The following DNAJC6 variants were observed in gnomAD, a reference collection of about 807,000 sequenced individuals.
DNAJC6 encodes DnaJ heat shock protein family (Hsp40) member C6, also known as auxilin.
DNAJC6 carries 34 observed loss-of-function variants against 110.0 expected under a neutral mutation model. The ratio of observed to expected loss-of-function variants is 0.31; its 90% CI spans 0.24 to 0.41. The LOEUF (loss-of-function observed/expected upper bound fraction) is 0.41, where lower values mean the gene tolerates loss of function less well. Among genes scored for constraint, DNAJC6 ranks in the 10% least tolerant of loss-of-function variants. The pLI is 1.00. For synonymous variants in DNAJC6, 406 were observed against 437.2 expected (o/e 0.93, Z 0.89); for missense variants, 1,031 against 1,207.8 (o/e 0.85, Z 2.17).
chr1:65,352,530 T>A (rs1645501554), intron 1 of DNAJC6, among the ~76,000 whole-genome samples: 1 of 152,178 alleles, frequency 6.6e-6, no homozygotes, highest in Non-Finnish European at 1.5e-5. Context: ...AAAATATATT[T>A]CAGTTTTAAT....
At chr1:65,359,066 G>A (rs1207832536) in intron 1 of DNAJC6, among the ~76,000 whole-genome samples, 1 of 152,170 alleles carries the variant, frequency 6.6e-6, no homozygotes, top group Admixed American at 6.5e-5. Context: ...ATGAAAAGCA[G>A]CCACACTTTT....
intron 1 of DNAJC6, among the ~76,000 whole-genome samples, chr1:65,356,576 A>T (rs2101534541): frequency 1.5e-5 from 1 of 65,552 alleles, no homozygotes; most frequent in East Asian, 6.3e-4. Context: ...AAATAAATAA[A>T]TAAATAAATA....
At chr1:65,301,557 A>T (rs1013653263) in intron 1 of DNAJC6, among the ~76,000 whole-genome samples, 3 of 152,128 alleles carry the variant, frequency 2.0e-5, no homozygotes, top group African/African-American at 7.2e-5. Context: ...GGGTTGATTA[A>T]TTTGCTGGAG....
intron 1 of DNAJC6, among the ~76,000 whole-genome samples, chr1:65,348,082 T>A (rs1645454746): frequency 6.6e-6 from 1 of 152,198 alleles, no homozygotes; most frequent in South Asian, 2.1e-4. Context: ...GACACACCAT[T>A]TGCAGTTAGA....
chr1:65,383,421 G>A (rs1269110250), intron 5 of DNAJC6, among the ~76,000 whole-genome samples: 1 of 152,194 alleles, frequency 6.6e-6, no homozygotes, highest in Non-Finnish European at 1.5e-5. Flanking sequence ...GCCTCTCAAA[G>A]TGCTGGGATT....
At chr1:65,383,735 C>T (rs1418735643) in intron 5 of DNAJC6, among the ~76,000 whole-genome samples, 1 of 152,164 alleles carries the variant, frequency 6.6e-6, no homozygotes, top group Non-Finnish European at 1.5e-5. Context: ...TTTATTTCTA[C>T]ATTGAATGAA....
At chr1:65,343,661 G>A (rs1645409911) in intron 1 of DNAJC6, among the ~76,000 whole-genome samples, 1 of 152,070 alleles carries the variant, frequency 6.6e-6, no homozygotes, top group Non-Finnish European at 1.5e-5. Flanking sequence ...CACAAGAGTA[G>A]TGATGCCAGC....
At chr1:65,344,473 G>A (rs1164693078) in intron 1 of DNAJC6, among the ~76,000 whole-genome samples, 1 of 152,066 alleles carries the variant, frequency 6.6e-6, no homozygotes, top group Non-Finnish European at 1.5e-5. Flanking sequence ...GGCAGCTAGT[G>A]TGCCAGGGAA....
intron 1 of DNAJC6, among the ~76,000 whole-genome samples, chr1:65,357,473 A>C (rs1240933445): frequency 6.6e-6 from 1 of 152,204 alleles, no homozygotes; most frequent in Admixed American, 6.5e-5. Flanking sequence ...AGTTGGTGCC[A>C]AGTGTTGGTT....
intron 4 of DNAJC6, among the ~76,000 whole-genome samples, chr1:65,369,456 C>T (rs1012545935): frequency 6.6e-6 from 1 of 152,080 alleles, no homozygotes; most frequent in Non-Finnish European, 1.5e-5. Context: ...TTACTCCTTC[C>T]GGTTCTGTGG....
intron 2 of DNAJC6, among the ~76,000 whole-genome samples, chr1:65,365,005 T>A (rs569706002): frequency 1.1e-4 from 17 of 152,298 alleles, no homozygotes; most frequent in Non-Finnish European, 2.4e-4. Flanking sequence ...TAGAGTATAA[T>A]GGTTGCCCTC....
chr1:65,377,395 A>AT (rs1645776882), intron 4 of DNAJC6, among the ~76,000 whole-genome samples: 1 of 152,174 alleles, frequency 6.6e-6, no homozygotes, highest in African/African-American at 2.4e-5. Flanking sequence ...TCAATGGGGA[A>AT]TATATATGTG....
chr1:65,284,031 T>C (rs1653934281), intron 1 of DNAJC6, among the ~76,000 whole-genome samples: 1 of 152,154 alleles, frequency 6.6e-6, no homozygotes, highest in African/African-American at 2.4e-5. Context: ...CTCCCCAGCC[T>C]GGGTCCCGGG....
intron 1 of DNAJC6, among the ~76,000 whole-genome samples, chr1:65,275,858 T>C (rs1259697876): frequency 6.6e-6 from 1 of 151,964 alleles, no homozygotes; most frequent in Non-Finnish European, 1.5e-5. Context: ...AATTTCTTAA[T>C]TTTGTTTTGT....
chr1:65,355,000 G>A (rs921622128), intron 1 of DNAJC6, among the ~76,000 whole-genome samples: 7 of 152,090 alleles, frequency 4.6e-5, no homozygotes, highest in Non-Finnish European at 1.0e-4. Context: ...ATTCTGGTTG[G>A]GCGTAGTGGC....
intron 1 of DNAJC6, among the ~76,000 whole-genome samples, chr1:65,310,872 A>G (rs928964100): frequency 5.9e-5 from 9 of 152,194 alleles, no homozygotes; most frequent in African/African-American, 1.9e-4. Flanking sequence ...TTGGTTCTAC[A>G]CTGGTAACTT....
intron 1 of DNAJC6, among the ~76,000 whole-genome samples, chr1:65,295,607 CAGT>C (rs1202653219): frequency 6.6e-6 from 1 of 152,204 alleles, no homozygotes; most frequent in Non-Finnish European, 1.5e-5. Flanking sequence ...TACAGCCAAT[CAGT>C]AGGGTAGTAC....
chr1:65,312,803 C>T (rs1010125419), intron 1 of DNAJC6, among the ~76,000 whole-genome samples: 1 of 152,132 alleles, frequency 6.6e-6, no homozygotes, highest in African/African-American at 2.4e-5. Context: ...AACCTAGTAA[C>T]CTTTTTCTTT....
chr1:65,395,135 A>G (rs915636503), intron 13 of DNAJC6, 103 bp downstream of exon 13: 18 of 1,240,498 alleles, frequency 1.5e-5, no homozygotes, highest in Non-Finnish European at 1.8e-5. Context: ...TTTTGATAAA[A>G]GCTTCCTCAC....
Sources: gnomAD v4.1 joint callset for allele counts (sites outside exome capture counted in the v4.1 genomes callset) on GRCh38, gnomAD v4.1.1 for gene constraint, MANE v1.5 for transcripts, NCBI Gene and HGNC (gene_info 2026-07-23, HGNC 2026-07-21) for gene names.